MPP7: variants seen among roughly 807,000 people sequenced by gnomAD.
MPP7 encodes the protein MAGUK p55 subfamily member 7.
MPP7 carries 60 observed loss-of-function variants against 76.5 expected under a neutral mutation model. That is an observed-to-expected ratio of 0.78 (90% confidence interval 0.64 to 0.97). MPP7 has a LOEUF of 0.97. MPP7 is among the 50% of genes least tolerant of loss of function. The pLI, the probability that MPP7 is intolerant of heterozygous loss-of-function variation, is 0.00. For missense variants in MPP7, 641 were observed against 694.0 expected, an observed-to-expected ratio of 0.92 and a Z score of 0.86; for synonymous variants, 237 against 244.5, an observed-to-expected ratio of 0.97 and a Z score of 0.29.
At chr10:28,287,562 T>A (rs992392593) in intron 1 of MPP7, among the ~76,000 whole-genome samples, 13 of 152,180 alleles carry the variant, frequency 8.5e-5, no homozygotes, top group African/African-American at 3.1e-4. Context: ...AAATACTGGC[T>A]CATGGAAATA....
chr10:28,302,825 G>A (rs1297507618), intron 1 of MPP7, among the ~76,000 whole-genome samples, 36 bp downstream of exon 1: 2 of 152,138 alleles, frequency 1.3e-5, no homozygotes, highest in African/African-American at 4.8e-5. Flanking sequence ...CCTAGCCCTG[G>A]GCTCCGACAG....
intron 11 of MPP7, among the ~76,000 whole-genome samples, chr10:28,095,188 C>T (rs1278487448): frequency 2.2e-5 from 1 of 45,242 alleles, no homozygotes; most frequent in East Asian, 1.8e-3. Context: ...TACATACACA[C>T]ATATGCATAT....
chr10:28,239,450 T>C (rs1004965209), intron 1 of MPP7, among the ~76,000 whole-genome samples: 1 of 152,072 alleles, frequency 6.6e-6, no homozygotes, highest in South Asian at 2.1e-4. Flanking sequence ...CCCAGCCTAA[T>C]TGTATTTTTT....
chr10:28,169,227 G>C (rs538706276), intron 3 of MPP7, among the ~76,000 whole-genome samples: 2 of 151,968 alleles, frequency 1.3e-5, no homozygotes, highest in Non-Finnish European at 2.9e-5. Context: ...ATAGTGGTCC[G>C]AGCCTATAAT....
At chr10:28,166,023 C>CAAAAA (rs9299600) in intron 3 of MPP7, among the ~76,000 whole-genome samples, 8 of 99,860 alleles carry the variant, frequency 8.0e-5, no homozygotes, top group Non-Finnish European at 1.5e-4. Flanking sequence ...AGACTCATCT[C>CAAAAA]AAAAAAAAAA....
intron 3 of MPP7, among the ~76,000 whole-genome samples, chr10:28,159,245 T>A (rs1176085928): frequency 6.6e-6 from 1 of 152,244 alleles, no homozygotes; most frequent in Non-Finnish European, 1.5e-5. Flanking sequence ...TCTAGAACAG[T>A]ATAGCCCAAT....
chr10:28,304,216 G>A (rs572994591), upstream of MPP7, among the ~76,000 whole-genome samples: 36 of 152,260 alleles, frequency 2.4e-4, no homozygotes, highest in Non-Finnish European at 3.7e-4. Flanking sequence ...ACTGGTGTCA[G>A]CCTAGAAGGC....
At chr10:28,309,929 G>A (rs1034585770) in intron 2 of MPP7, among the ~76,000 whole-genome samples, 8 of 151,158 alleles carry the variant, frequency 5.3e-5, no homozygotes, top group South Asian at 2.1e-4. Context: ...CCCGGAGGCC[G>A]CCCCAGAAAC....
At chr10:28,155,605 A>AAAAAAAAAAG (rs112075429) in intron 3 of MPP7, among the ~76,000 whole-genome samples, 3 of 150,698 alleles carry the variant, frequency 2.0e-5, no homozygotes, top group African/African-American at 7.4e-5. Context: ...CTCCAAAAAA[A>AAAAAAAAAAG]AAAAGAAAGA....
At chr10:28,161,645 T>C (rs1331681552) in intron 3 of MPP7, among the ~76,000 whole-genome samples, 1 of 152,136 alleles carries the variant, frequency 6.6e-6, no homozygotes, top group Non-Finnish European at 1.5e-5. Flanking sequence ...CTAAACAACA[T>C]TTCCTACCAC....
intron 1 of MPP7, among the ~76,000 whole-genome samples, chr10:28,278,529 A>G (rs1349012679): frequency 6.6e-6 from 1 of 151,524 alleles, no homozygotes; most frequent in Admixed American, 6.6e-5. Flanking sequence ...ACAAAAAACT[A>G]AAATGTCATC....
chr10:28,325,926 T>C (rs911701941), intron 2 of MPP7, among the ~76,000 whole-genome samples: 1 of 146,294 alleles, frequency 6.8e-6, no homozygotes, highest in Non-Finnish European at 1.5e-5. Flanking sequence ...CAGTGAGCTA[T>C]GATCGTACCA....
intron 11 of MPP7, among the ~76,000 whole-genome samples, chr10:28,106,024 G>A (rs1392764843): frequency 2.6e-5 from 4 of 152,140 alleles, no homozygotes; most frequent in African/African-American, 9.7e-5. Flanking sequence ...ATTCTACTTA[G>A]ATGGTCCCGT....
intron 3 of MPP7, among the ~76,000 whole-genome samples, chr10:28,156,407 A>G (rs979860894): frequency 5.9e-5 from 9 of 152,224 alleles, no homozygotes; most frequent in African/African-American, 2.2e-4. Flanking sequence ...CATGTCGTGT[A>G]TACATATGAT....
intron 14 of MPP7, chr10:28,059,386 A>T: frequency 3.2e-6 from 1 of 316,396 alleles, no homozygotes; most frequent in South Asian, 5.6e-5. Context: ...GAAGGAGGTC[A>T]GAATAAGACA....
intron 1 of MPP7, among the ~76,000 whole-genome samples, chr10:28,269,716 T>C (rs112514226): frequency 0.087 from 13,138 of 151,810 alleles, 738 homozygotes; most frequent in Non-Finnish European, 0.12. Context: ...TTTTTAGAGA[T>C]GGGGTTTCAC....
At chr10:28,114,348 G>A (rs745417347) in intron 11 of MPP7, among the ~76,000 whole-genome samples, 2 of 152,190 alleles carry the variant, frequency 1.3e-5, no homozygotes, top group Non-Finnish European at 2.9e-5. Context: ...GGAGTTCAAA[G>A]CTGCAGTCAG....
At chr10:28,227,070 T>C (rs1306742131) in intron 2 of MPP7, among the ~76,000 whole-genome samples, 1 of 152,228 alleles carries the variant, frequency 6.6e-6, no homozygotes, top group Non-Finnish European at 1.5e-5. Context: ...CTTTAGTTTA[T>C]CACTGAAAAC....
At chr10:28,240,419 A>C (rs1388977595) in intron 1 of MPP7, among the ~76,000 whole-genome samples, 1 of 152,154 alleles carries the variant, frequency 6.6e-6, no homozygotes, top group African/African-American at 2.4e-5. Flanking sequence ...ATTCGTATTA[A>C]AAACTTCACC....
Sources: gnomAD v4.1 joint callset for allele counts (sites outside exome capture counted in the v4.1 genomes callset) on GRCh38, gnomAD v4.1.1 for gene constraint, MANE v1.5 for transcripts, NCBI Gene and HGNC (gene_info 2026-07-23, HGNC 2026-07-21) for gene names.